Variants in PPARG observed in about 807,000 individuals in gnomAD.
PPARG encodes the protein peroxisome proliferator activated receptor gamma, also known as peroxisome proliferator-activated receptor gamma.
Under a neutral mutation model 39.2 loss-of-function variants are expected in PPARG, and 17 were observed. That is an observed-to-expected ratio of 0.43 (90% CI 0.30 to 0.65). The LOEUF (loss-of-function observed/expected upper bound fraction) is 0.65. PPARG is among the 30% of genes least tolerant of loss of function. PPARG has a pLI of 0.13. For synonymous variants in PPARG, 223 were observed against 215.7 expected (o/e 1.03, Z -0.30); for missense variants, 406 against 585.9 (o/e 0.69, Z 3.17).
intron 6 of PPARG, among the ~76,000 whole-genome samples, chr3:12,409,391 AAC>A (rs2050793758): frequency 6.6e-6 from 1 of 151,414 alleles, no homozygotes; most frequent in African/African-American, 2.4e-5. Flanking sequence ...AGTGGAAAGA[AAC>A]AGTTCAGAGA....
intron 1 of PPARG, among the ~76,000 whole-genome samples, chr3:12,290,601 G>A (rs1041839989): frequency 6.6e-6 from 1 of 152,036 alleles, no homozygotes; most frequent in South Asian, 2.1e-4. Flanking sequence ...CAAGAGAAAA[G>A]GTGTGACATG....
intron 2 of PPARG, among the ~76,000 whole-genome samples, chr3:12,337,561 C>T (rs772029831): frequency 5.3e-5 from 8 of 152,268 alleles, no homozygotes; most frequent in South Asian, 2.1e-4. Context: ...AATCTACTCT[C>T]CTTTCCCTAT....
rs951120006 is a variant in PPARG, at chr3:12,297,460, A to G, written c.-83+8326A>G. ...GTATAAAATTACTTCTATAATCAAAAGCATACATTTATAGCTTTTTTTTCT... is the reference window on the plus strand; with the variant it reads ...GTATAAAATTACTTCTATAATCAAAGGCATACATTTATAGCTTTTTTTTCT... On this transcript the variant is annotated intron_variant, in intron 1 of 7. Coordinates refer to ENST00000651735, the MANE Select transcript of PPARG (RefSeq NM_138711.6). Among the ~76,000 whole-genome samples the G allele has an allele frequency of 8.5e-5, 13 of 152,310 alleles. No homozygotes were observed. The East Asian group carries it at 2.5e-3, about 29-fold the overall frequency.
At chr3:12,299,364 G>A (rs1435031194) in intron 1 of PPARG, among the ~76,000 whole-genome samples, 1 of 152,066 alleles carries the variant, frequency 6.6e-6, no homozygotes, top group Non-Finnish European at 1.5e-5. Context: ...GCATTGCTAG[G>A]CACCGTGGAC....
At chr3:12,338,991 A>G (rs187332332) in intron 2 of PPARG, among the ~76,000 whole-genome samples, 46 of 152,346 alleles carry the variant, frequency 3.0e-4, no homozygotes, top group African/African-American at 1.0e-3. Context: ...AAAATTGAAA[A>G]CAGAGTTAAA....
chr3:12,291,445 AT>A (rs1212785438), intron 1 of PPARG, among the ~76,000 whole-genome samples: 1 of 152,190 alleles, frequency 6.6e-6, no homozygotes, highest in African/African-American at 2.4e-5. Flanking sequence ...TAGATTTAAG[AT>A]TATTTGAAAT....
At position 12,433,292 on chromosome 3, in the gene PPARG, C is replaced by T. The variant is rs200756357; in HGVS notation, c.1181-606C>T. ...GTGGCTCATGCCTGTAATCCCAGCA[C>T]TTTGGGAGGCCAAGGCGGGTGGATC... On this transcript the variant is annotated intron_variant, in intron 7 of 7. Transcript: ENST00000651735. 7.3e-4 allele frequency among the ~76,000 whole-genome samples: 111 copies of T among 152,256 alleles called. 1 individual carries two copies. In the East Asian group the frequency reaches 0.019, roughly 26 times the overall value.
intron 7 of PPARG, among the ~76,000 whole-genome samples, chr3:12,423,231 A>G (rs1439406584): frequency 6.6e-6 from 1 of 152,246 alleles, no homozygotes; most frequent in Non-Finnish European, 1.5e-5. Context: ...GGTTGCAGAA[A>G]CATTTATGAG....
chr3:12,426,970 G>C (rs2051470905), intron 7 of PPARG, among the ~76,000 whole-genome samples: 1 of 152,132 alleles, frequency 6.6e-6, no homozygotes. Flanking sequence ...AATCCTGAAG[G>C]TCATACCCCA....
At chr3:12,404,666 T>C (rs1303414792) in intron 5 of PPARG, among the ~76,000 whole-genome samples, 1 of 152,118 alleles carries the variant, frequency 6.6e-6, no homozygotes, top group East Asian at 1.9e-4. Flanking sequence ...GAGCCAGGCA[T>C]GGTGGCCCAC....
chr3:12,391,516 CAA>C (rs1334150862), intron 4 of PPARG, among the ~76,000 whole-genome samples: 1 of 152,084 alleles, frequency 6.6e-6, no homozygotes, highest in Non-Finnish European at 1.5e-5. Context: ...AGAAAGAAGT[CAA>C]GAGTGATTTC....
At chr3:12,431,894 C>T (rs1162053536) in intron 7 of PPARG, among the ~76,000 whole-genome samples, 2 of 151,910 alleles carry the variant, frequency 1.3e-5, no homozygotes, top group African/African-American at 4.8e-5. Flanking sequence ...GAGCCATGAT[C>T]ATGCCACTGC....
intron 2 of PPARG, among the ~76,000 whole-genome samples, chr3:12,340,723 A>G (rs370154027): frequency 3.3e-5 from 5 of 152,234 alleles, no homozygotes; most frequent in African/African-American, 4.8e-5. Context: ...ATGCAGACAT[A>G]CAACATAACT....
intron 2 of PPARG, among the ~76,000 whole-genome samples, chr3:12,378,612 C>A (rs1311881744): frequency 6.6e-6 from 1 of 152,040 alleles, no homozygotes; most frequent in Non-Finnish European, 1.5e-5. Flanking sequence ...CACGTGGAAT[C>A]TAAAAAAGTC....
intron 6 of PPARG, chr3:12,406,450 C>G (rs1016539923): frequency 3.5e-6 from 1 of 288,172 alleles, no homozygotes; most frequent in Non-Finnish European, 6.7e-6. Flanking sequence ...CCTTGCTTTC[C>G]TCTGGGAAGA....
chr3:12,314,810 C>CT (rs1313900140), intron 2 of PPARG, among the ~76,000 whole-genome samples: 4 of 151,916 alleles, frequency 2.6e-5, no homozygotes, highest in Non-Finnish European at 5.9e-5. Context: ...TTTATTAGGT[C>CT]TTTTTTTGCT....
At chr3:12,417,964 C>T (rs1470071171) in intron 7 of PPARG, among the ~76,000 whole-genome samples, 4 of 119,660 alleles carry the variant, frequency 3.3e-5, no homozygotes, top group Admixed American at 1.1e-4. Context: ...GACTGAAGTG[C>T]AGTTGCACAG....
intron 7 of PPARG, among the ~76,000 whole-genome samples, chr3:12,427,578 G>A (rs961986614): frequency 3.3e-5 from 5 of 152,018 alleles, no homozygotes; most frequent in African/African-American, 1.2e-4. Flanking sequence ...CTCACCATAC[G>A]CTTATGAAAG....
chr3:12,421,591 A>G (rs1487473199), intron 7 of PPARG, among the ~76,000 whole-genome samples: 3 of 152,234 alleles, frequency 2.0e-5, no homozygotes, highest in African/African-American at 7.2e-5. Flanking sequence ...GCAGCAGGCA[A>G]AAGCTCTTTT....
Sources: allele counts gnomAD v4.1 joint callset (sites outside exome capture counted in the v4.1 genomes callset), GRCh38; gene constraint gnomAD v4.1.1; transcripts MANE v1.5; gene names NCBI Gene and HGNC (gene_info 2026-07-23, HGNC 2026-07-21).